The following XYLT1 variants were observed in gnomAD, a reference collection of about 807,000 sequenced individuals.
XYLT1 encodes beta-D-xylosyltransferase 1.
Under a neutral mutation model 91.3 loss-of-function variants are expected in XYLT1, and 36 were observed. That is an observed-to-expected ratio of 0.39 (90% CI 0.30 to 0.52). XYLT1 has a LOEUF of 0.52. Ranked by LOEUF, XYLT1 falls within the 20% of genes least tolerant of loss-of-function variation. The probability of loss-of-function intolerance (pLI) is 0.68; values close to 1 mark genes in which losing one functional copy is unlikely to be tolerated. For synonymous variants in XYLT1, 588 were observed against 532.0 expected (o/e 1.11, Z -1.45); for missense variants, 1,242 against 1,284.5 (o/e 0.97, Z 0.51).
intron 2 of XYLT1, among the ~76,000 whole-genome samples, chr16:17,350,002 T>A (rs1443354630): frequency 2.0e-5 from 3 of 151,968 alleles, no homozygotes; most frequent in Non-Finnish European, 4.4e-5. Context: ...GCCTCCCAAA[T>A]AGCTGGGACT....
chr16:17,289,143 T>C (rs186897775), intron 2 of XYLT1, among the ~76,000 whole-genome samples: 4 of 152,324 alleles, frequency 2.6e-5, no homozygotes, highest in African/African-American at 9.6e-5. Context: ...CCATACAGTC[T>C]CTGCCTCAAC....
rs2031479526 is a variant in XYLT1 at position 17,158,852 on chromosome 16, C to A, written c.1347G>T (p.Lys449Asn). The part of the protein sequence containing the change: ...LSRYRDMNFL[K>N]SHGRDNARFI... ...ACCTTGCATTGTCCCGGCCGTGTGA[C>A]TTCAAGAAATTCATATCTCGGTATC... is the stretch of plus-strand genomic sequence containing the variant. Residue 449 changes from lysine (K) to asparagine (N), a missense_variant, in exon 6 of 12, where the codon AAG (lysine) becomes AAT (asparagine). Lys to Asn is a moderately conservative substitution (Grantham distance 94, BLOSUM62 0). Coordinates refer to ENST00000261381, the MANE Select transcript of XYLT1 (RefSeq NM_022166.4). 3 of 1,613,952 alleles carry A rather than the reference C, an allele frequency of 1.9e-6. No homozygotes were observed.
chr16:17,137,759 A>AGAACACAGTG (rs2030796078), intron 8 of XYLT1: 1 of 150,446 alleles, frequency 6.6e-6, no homozygotes, highest in African/African-American at 2.5e-5. Flanking sequence ...GTTTTCCCAC[A>AGAACACAGTG]GAACACAGTG....
chr16:17,319,210 C>T (rs1596479865), intron 2 of XYLT1, among the ~76,000 whole-genome samples: 1 of 152,100 alleles, frequency 6.6e-6, no homozygotes, highest in African/African-American at 2.4e-5. Context: ...ACTTTCAAGG[C>T]CACAGAAAGA....
chr16:17,197,751 C>T (rs186296497), intron 5 of XYLT1, among the ~76,000 whole-genome samples: 4 of 152,214 alleles, frequency 2.6e-5, no homozygotes, highest in African/African-American at 9.6e-5. Flanking sequence ...CGACCACAGA[C>T]TGAAGACTGC....
chr16:17,197,776 T>C (rs528606615), intron 5 of XYLT1, among the ~76,000 whole-genome samples: 8 of 152,328 alleles, frequency 5.3e-5, no homozygotes, highest in African/African-American at 1.9e-4. Flanking sequence ...TGGGCTTCCC[T>C]ACTTTTGAGG....
intron 2 of XYLT1, among the ~76,000 whole-genome samples, chr16:17,288,487 C>T (rs934569702): frequency 2.6e-5 from 4 of 151,972 alleles, no homozygotes; most frequent in African/African-American, 7.3e-5. Flanking sequence ...TATTGTAGAC[C>T]GACTGTACTG....
chr16:17,162,933 A>C (rs56226631), intron 5 of XYLT1, among the ~76,000 whole-genome samples: 10,672 of 152,314 alleles, frequency 0.07, 471 homozygotes, highest in Middle Eastern at 0.12. Flanking sequence ...CATTTCAATA[A>C]GCCTTAGGTC....
In XYLT1 at chr16:17,258,876, G is replaced by A; in HGVS notation, c.913+112C>T. 4.6e-6 allele frequency: 6 copies of A among 1,295,194 alleles called. No individual in the cohort carries two copies. In the South Asian group the frequency reaches 1.0e-4, roughly 21 times the overall value. 80.2% of individuals were successfully genotyped at this position (1,295,194 alleles called of 1,614,324 possible). ...ATCTCGTGTGCTCATCTGGGGTTTG[G>A]AAAACAGGGTGGCCTTTCTCAGAAG... On this transcript the variant is annotated intron_variant, in intron 3 of 11. Coordinates refer to ENST00000261381, the MANE Select transcript of XYLT1 (RefSeq NM_022166.4).
rs1000765535 is a variant in XYLT1 at position 17,104,354 on chromosome 16, C to T, written c.*4341G>A. ...ATATCTAAGGGGCAGCAGTCCAGATCTCCAGATTCTATTCCTTCTTCCCTT... is the reference window on the plus strand; with the variant it reads ...ATATCTAAGGGGCAGCAGTCCAGATTTCCAGATTCTATTCCTTCTTCCCTT... On this transcript the variant is annotated 3_prime_UTR_variant, in exon 12 of 12. Coordinates refer to ENST00000261381, the MANE Select transcript of XYLT1 (RefSeq NM_022166.4). 6.6e-6 allele frequency: 1 copy of T among 152,264 alleles called. No homozygotes were observed. The highest frequency in any genetic ancestry group is 1.5e-5 in the Non-Finnish European group (1 of 68,084). 9.4% of individuals were successfully genotyped at this position (152,264 alleles called of 1,614,324 possible).
chr16:17,185,558 G>A (rs2032165334), intron 5 of XYLT1, among the ~76,000 whole-genome samples: 2 of 152,166 alleles, frequency 1.3e-5, no homozygotes, highest in African/African-American at 2.4e-5. Flanking sequence ...GCTTTCCCAC[G>A]AAGTACTGAG....
intron 1 of XYLT1, among the ~76,000 whole-genome samples, chr16:17,372,327 A>G (rs1409077404): frequency 4.6e-5 from 7 of 152,220 alleles, no homozygotes; most frequent in Non-Finnish European, 1.0e-4. Context: ...AATCTTTTCA[A>G]CACATTTTAC....
intron 5 of XYLT1, among the ~76,000 whole-genome samples, chr16:17,163,786 T>C (rs544367412): frequency 2.6e-5 from 4 of 152,224 alleles, no homozygotes; most frequent in East Asian, 1.9e-4. Context: ...AGGCCAGGCA[T>C]GCCTGTAATC....
At position 17,300,452 on chromosome 16, in the gene XYLT1, C is replaced by CTTTTTTTTTTTTTTTTTTT. The variant is rs67480834; in HGVS notation, c.403-40973_403-40955dup. Among the ~76,000 whole-genome samples, 62 of 64,840 alleles carry CTTTTTTTTTTTTTTTTTTT rather than the reference C, an allele frequency of 9.6e-4. 7 individuals are homozygous for CTTTTTTTTTTTTTTTTTTT. Among genetic ancestry groups the CTTTTTTTTTTTTTTTTTTT allele is most frequent in the East Asian group, 1.8e-3 (3 of 1,638 alleles). 42.5% of individuals were successfully genotyped at this position (64,840 alleles called of 152,430 possible). A position where few individuals can be genotyped will look rare whatever the true frequency, so the allele number is the denominator to read the frequency against. On this transcript the variant is annotated intron_variant, in intron 2 of 11. Transcript: ENST00000261381. ...CAGCTATTTCTTTCTTTCATTCTTTCTTTTTTTTTTTTTTTTTTTTTTGAG... is the reference window on the plus strand; with the variant it reads ...CAGCTATTTCTTTCTTTCATTCTTTCTTTTTTTTTTTTTTTTTTTTTTTTTTTTTTTTTTTTTTTTTGAG...
rs2029891516 is a variant in XYLT1, at chr16:17,117,779, G to A, written c.2424C>T (p.Tyr808=). The A allele has an allele frequency of 6.2e-7, 1 of 1,614,226 alleles. No individual in the cohort carries two copies. Among genetic ancestry groups the A allele is most frequent in the Non-Finnish European group, 8.5e-7 (1 of 1,180,044 alleles). Residue 808 remains tyrosine (Y), a synonymous_variant, in exon 11 of 12, where the codon TAC becomes TAT. Coordinates refer to ENST00000261381, the MANE Select transcript of XYLT1 (RefSeq NM_022166.4). ...LIESTAEFTH[Y]KPPLNLPLRP... is the part of the protein sequence containing the mutation. ...TCAGGGGCAAGTTCAAAGGGGGCTT[G>A]TAGTGTGTGAATTCGGCAGTGGACT...
At chr16:17,156,828 C>T (rs191012730) in intron 6 of XYLT1, among the ~76,000 whole-genome samples, 1 of 152,208 alleles carries the variant, frequency 6.6e-6, no homozygotes, top group East Asian at 1.9e-4. Flanking sequence ...AAAGAGGCCT[C>T]CTTTTTAATG....
chr16:17,317,396 G>T (rs1433096699), intron 2 of XYLT1, among the ~76,000 whole-genome samples: 2 of 151,846 alleles, frequency 1.3e-5, no homozygotes, highest in African/African-American at 2.4e-5. Flanking sequence ...ACTTTGGGAG[G>T]CCTAGGCGGG....
chr16:17,297,559 A>G (rs1205062439), intron 2 of XYLT1, among the ~76,000 whole-genome samples: 1 of 46,742 alleles, frequency 2.1e-5, no homozygotes, highest in Non-Finnish European at 3.2e-5. Flanking sequence ...AAGAAAATGA[A>G]AAAAAAAAAA....
intron 5 of XYLT1, among the ~76,000 whole-genome samples, chr16:17,188,214 T>TCCCCACTCCCATTTGGG (rs2032230360): frequency 6.6e-6 from 1 of 151,924 alleles, no homozygotes. Context: ...TGATCTGGCC[T>TCCCCACTCCCATTTGGG]CCCCACTCCC....
Sources: gnomAD v4.1 joint callset for allele counts (sites outside exome capture counted in the v4.1 genomes callset) on GRCh38, gnomAD v4.1.1 for gene constraint, MANE v1.5 for transcripts, NCBI Gene and HGNC (gene_info 2026-07-23, HGNC 2026-07-21) for gene names.